The following CDH23 variants were observed in gnomAD, a reference collection of about 807,000 sequenced individuals.
CDH23 encodes the protein cadherin-23.
CDH23 carries 189 observed loss-of-function variants against 317.1 expected under a neutral mutation model. That is an observed-to-expected ratio of 0.60 (90% CI 0.53 to 0.67). CDH23 has a LOEUF of 0.67. CDH23 is among the 30% of genes least tolerant of loss of function. The pLI, the probability that CDH23 is intolerant of heterozygous loss-of-function variation, is 0.00. For synonymous variants in CDH23, 1,839 were observed against 1,876.8 expected, an observed-to-expected ratio of 0.98 and a Z score of 0.52; for missense variants, 4,401 against 4,592.4, an observed-to-expected ratio of 0.96 and a Z score of 1.20.
intron 1 of CDH23, among the ~76,000 whole-genome samples, chr10:71,402,262 G>A (rs2131890153): frequency 6.6e-6 from 1 of 152,328 alleles, no homozygotes; most frequent in African/African-American, 2.4e-5. Context: ...CTGTGTTGCT[G>A]AGAGTGACAC....
At chr10:71,573,400 C>T (rs1457455809) in intron 8 of CDH23, among the ~76,000 whole-genome samples, 1 of 152,218 alleles carries the variant, frequency 6.6e-6, no homozygotes, top group African/African-American at 2.4e-5. Flanking sequence ...TCCATTGGGT[C>T]TGCACTTCAT....
At chr10:71,434,837 T>C (rs923403718) in intron 1 of CDH23, among the ~76,000 whole-genome samples, 3 of 152,174 alleles carry the variant, frequency 2.0e-5, no homozygotes, top group Admixed American at 2.0e-4. Flanking sequence ...CTACTGGTTC[T>C]AGGAGCAATG....
intron 6 of CDH23, among the ~76,000 whole-genome samples, chr10:71,532,711 G>GTTTTTTTTTGTTTTTTT (rs1855452212): frequency 6.2e-5 from 8 of 128,096 alleles, no homozygotes; most frequent in Non-Finnish European, 1.1e-4. Context: ...TTTTGTTTTT[G>GTTTTTTTTTGTTTTTTT]TTTTTTTTTT....
In CDH23 at chr10:71,615,521, T is replaced by G; in HGVS notation, c.850T>G (p.Phe284Val). The change falls in exon 10 of 70, where the codon TTT (phenylalanine) becomes GTT (valine). Residue 284 changes from phenylalanine to valine, a missense_variant. Physicochemically the swap from Phe to Val is conservative, Grantham distance 50 (BLOSUM62 -1). Coordinates refer to ENST00000224721, the MANE Select transcript of CDH23 (RefSeq NM_022124.6). ...TIVSGNTNSI[F>V]ALDYISGVLT... ...TCTTGCAGGGAATACCAACAGCATC[T>G]TTGCCCTGGACTACATCAGCGGAGT... 6.2e-7 allele frequency: 1 copy of G among 1,612,898 alleles called. No homozygotes were observed. Among genetic ancestry groups the G allele is most frequent in the Non-Finnish European group, 8.5e-7 (1 of 1,179,364 alleles).
At chr10:71,758,296 T>A (rs993595829) in intron 38 of CDH23, among the ~76,000 whole-genome samples, 43 of 152,158 alleles carry the variant, frequency 2.8e-4, no homozygotes, top group African/African-American at 1.0e-3. Flanking sequence ...CCGGCTTAGG[T>A]CCTCGTGCAT....
At chr10:71,582,562 G>A (rs1022421737) in intron 9 of CDH23, among the ~76,000 whole-genome samples, 3 of 152,068 alleles carry the variant, frequency 2.0e-5, no homozygotes, top group Non-Finnish European at 4.4e-5. Flanking sequence ...AGGTGGCCTC[G>A]GCTTAGCTTC....
intron 14 of CDH23, among the ~76,000 whole-genome samples, chr10:71,661,447 G>A (rs1665623): frequency 0.41 from 63,048 of 151,970 alleles, 13,552 homozygotes; most frequent in South Asian, 0.57. Flanking sequence ...GAACACCTCC[G>A]TTTCTCCATC....
At chr10:71,617,063 C>A in intron 10 of CDH23, 142 bp from the exon 11 acceptor site, 1 of 1,141,584 alleles carries the variant, frequency 8.8e-7, no homozygotes, top group Non-Finnish European at 1.2e-6. Context: ...TGATAAAATC[C>A]TCCTCCTGGA....
intron 14 of CDH23, among the ~76,000 whole-genome samples, chr10:71,669,728 G>A (rs7899911): frequency 0.8 from 121,278 of 152,218 alleles, 48,508 homozygotes; most frequent in East Asian, 0.97. Context: ...GATTACAAGC[G>A]TGAGCCACCG....
chr10:71,610,987 C>T (rs1036187462), intron 9 of CDH23, among the ~76,000 whole-genome samples: 5 of 152,080 alleles, frequency 3.3e-5, no homozygotes, highest in Non-Finnish European at 7.4e-5. Context: ...AGCACCTGTC[C>T]ACCCAGGGGA....
chr10:71,678,587 A>C (rs1227041), intron 16 of CDH23, among the ~76,000 whole-genome samples: 141,742 of 152,282 alleles, frequency 0.93, 66,291 homozygotes, highest in East Asian at 1. Context: ...GAAGAACAGA[A>C]CATGTGCCCG....
chr10:71,653,136 G>A (rs989454392), intron 14 of CDH23, among the ~76,000 whole-genome samples: 3 of 152,014 alleles, frequency 2.0e-5, no homozygotes, highest in Admixed American at 6.5e-5. Flanking sequence ...TTTCCTCCTG[G>A]TCCAGCCCAG....
At chr10:71,671,717 A>G (rs2132657542) in intron 14 of CDH23, among the ~76,000 whole-genome samples, 1 of 152,272 alleles carries the variant, frequency 6.6e-6, no homozygotes, top group East Asian at 1.9e-4. Flanking sequence ...GAGTCGGGTC[A>G]GCCAGCATCT....
intron 6 of CDH23, among the ~76,000 whole-genome samples, chr10:71,534,488 A>C (rs1256704379): frequency 6.6e-6 from 1 of 152,126 alleles, no homozygotes; most frequent in Non-Finnish European, 1.5e-5. Flanking sequence ...ACAGAAATGA[A>C]ATAATTCTAC....
chr10:71,573,719 G>A (rs1321979384), intron 8 of CDH23, among the ~76,000 whole-genome samples: 2 of 152,252 alleles, frequency 1.3e-5, no homozygotes, highest in Non-Finnish European at 2.9e-5. Flanking sequence ...GATCTGGGTG[G>A]TGCAGGTTTC....
intron 34 of CDH23, among the ~76,000 whole-genome samples, chr10:71,737,462 G>C (rs1839598259): frequency 6.6e-6 from 1 of 152,194 alleles, no homozygotes. Context: ...TACAGATAGG[G>C]GAGTGTGGCT....
At position 71,533,553 on chromosome 10, in the gene CDH23, A is replaced by ACACACG. The variant is rs1459704422; in HGVS notation, c.429+22346_429+22347insGCACAC. ...CACACACACACACACACACACACAC[A>ACACACG]CACACACACACACACACTGGCTGGG... On this transcript the variant is annotated intron_variant, in intron 6 of 69. Transcript: ENST00000224721. 1.1e-4 allele frequency among the ~76,000 whole-genome samples: 16 copies of ACACACG among 151,400 alleles called. No individual in the cohort carries two copies. In the East Asian group the frequency reaches 2.7e-3, roughly 26 times the overall value.
intron 6 of CDH23, among the ~76,000 whole-genome samples, chr10:71,557,035 G>C (rs754076856): frequency 2.0e-5 from 3 of 151,972 alleles, no homozygotes; most frequent in Admixed American, 6.6e-5. Context: ...CTTTCACTAT[G>C]TCCTACTCTT....
chr10:71,529,374 T>C (rs1855227882), intron 6 of CDH23, among the ~76,000 whole-genome samples: 1 of 152,094 alleles, frequency 6.6e-6, no homozygotes, highest in African/African-American at 2.4e-5. Context: ...GTCATGCACG[T>C]AGTACCCGGT....
Sources: allele counts gnomAD v4.1 joint callset (sites outside exome capture counted in the v4.1 genomes callset), GRCh38; gene constraint gnomAD v4.1.1; transcripts MANE v1.5; gene names NCBI Gene and HGNC (gene_info 2026-07-23, HGNC 2026-07-21).